MIA3: variants seen among roughly 807,000 people sequenced by gnomAD.
MIA3 encodes transport and Golgi organization protein 1 homolog.
In MIA3, 90 loss-of-function variants were observed where a neutral mutation model predicts 192.4. The observed-to-expected ratio is 0.47, with a 90% CI of 0.39 to 0.56. The LOEUF is 0.56. Ranked by LOEUF, MIA3 falls within the 20% of genes least tolerant of loss-of-function variation. MIA3 has a pLI of 0.00. For synonymous variants in MIA3, 740 were observed against 792.8 expected (o/e 0.93, Z 1.12); for missense variants, 2,123 against 2,269.4 (o/e 0.94, Z 1.31).
Position 222,627,602 on chromosome 1 carries a change from G to C in MIA3, c.382G>C (p.Gly128Arg), listed in dbSNP as rs907263426. 7.6e-6 allele frequency: 12 copies of C among 1,579,550 alleles called. No individual in the cohort carries two copies. Among genetic ancestry groups the C allele is most frequent in the Non-Finnish European group, 1.0e-5 (12 of 1,169,484 alleles). The part of the protein sequence containing the change: ...DETDFVCFDG[G>R]RDDFHNYNVE... ...GACGGATTTTGTTTGTTTTGATGGA[G>C]GAAGAGATGATTTTCATAATTATAA... is the stretch of plus-strand genomic sequence containing the variant. The change falls in exon 4 of 28, where the codon GGA (glycine) becomes CGA (arginine). Residue 128 changes from glycine (G) to arginine (R), a missense_variant. Physicochemically the swap from Gly to Arg is moderately radical, Grantham distance 125. Transcript: ENST00000344922.
chr1:222,664,462 C>T (rs1299937289), intron 27 of MIA3, among the ~76,000 whole-genome samples: 1 of 152,152 alleles, frequency 6.6e-6, no homozygotes, highest in Non-Finnish European at 1.5e-5. Context: ...TAAAATACAT[C>T]CCCTAACTAA....
intron 6 of MIA3, among the ~76,000 whole-genome samples, chr1:222,637,693 T>C (rs1259320959): frequency 1.3e-5 from 2 of 151,416 alleles, no homozygotes; most frequent in Non-Finnish European, 3.0e-5. Context: ...AATTTTTTTT[T>C]TTTTTTTTTT....
At position 222,628,668 on chromosome 1, in the gene MIA3, CAGAATT is replaced by C. The variant is rs2124841622; in HGVS notation, c.1452_1457del (p.Leu485_Glu486del). The C allele has an allele frequency of 6.2e-7, 1 of 1,613,992 alleles. No homozygotes were observed. Among genetic ancestry groups the C allele is most frequent in the East Asian group, 2.2e-5 (1 of 44,880 alleles). On this transcript the variant is annotated inframe_deletion, in exon 4 of 28. Transcript: ENST00000344922. ...AAGAGGGGCCTGGTACAAGATAAGACAGAATTAGAGGATGAAAATCAAGAAGGCATG... is the reference window on the plus strand; with the variant it reads ...AAGAGGGGCCTGGTACAAGATAAGACAGAGGATGAAAATCAAGAAGGCATG...
In MIA3 at chr1:222,620,823, A is replaced by T. The variant is rs1050198991; in HGVS notation, c.134-336A>T. ...TATGAATATGAAACAGAAAAGATTG[A>T]GGACTAGAAGGTTAGAGAGGGAATC... On this transcript the variant is annotated intron_variant, in intron 1 of 27. Coordinates refer to ENST00000344922, the MANE Select transcript of MIA3 (RefSeq NM_198551.4). Among the ~76,000 whole-genome samples the T allele has an allele frequency of 7.2e-5, 11 of 151,880 alleles. No homozygotes were observed. In the East Asian group the frequency reaches 2.1e-3, roughly 29 times the overall value.
intron 3 of MIA3, among the ~76,000 whole-genome samples, chr1:222,626,766 C>G (rs1189474118): frequency 6.6e-6 from 1 of 152,176 alleles, no homozygotes; most frequent in African/African-American, 2.4e-5. Flanking sequence ...ATCTCATGCA[C>G]CTGTATCTCA....
chr1:222,645,437 G>C, intron 6 of MIA3, 117 bp from the exon 7 acceptor site: 1 of 833,544 alleles, frequency 1.2e-6, no homozygotes, highest in Admixed American at 3.1e-5. Flanking sequence ...AGATTTTTGA[G>C]GGGATAGGTA....
At chr1:222,655,556 T>G (rs1322048858) in intron 18 of MIA3, among the ~76,000 whole-genome samples, 1 of 152,244 alleles carries the variant, frequency 6.6e-6, no homozygotes, top group African/African-American at 2.4e-5. Context: ...ATGCTTAGAC[T>G]GCTACTGCTG....
chr1:222,655,970 T>TTC (rs1386664350), intron 18 of MIA3, among the ~76,000 whole-genome samples: 1 of 136,768 alleles, frequency 7.3e-6, no homozygotes, highest in African/African-American at 2.7e-5. Context: ...TCCCTTTTTT[T>TTC]TTTTTTTTTT....
chr1:222,622,039 T>C (rs1661895195), intron 2 of MIA3, among the ~76,000 whole-genome samples: 1 of 152,096 alleles, frequency 6.6e-6, no homozygotes, highest in African/African-American at 2.4e-5. Flanking sequence ...CTCCTGACCT[T>C]GTGATCCACC....
In MIA3 at chr1:222,650,363, T is replaced by C. The variant is rs745456790; in HGVS notation, c.3703T>C (p.Ser1235Pro). The C allele has an allele frequency of 6.3e-7, 1 of 1,576,366 alleles. No homozygotes were observed. The highest frequency in any genetic ancestry group is 8.7e-7 in the Non-Finnish European group (1 of 1,149,916). Residue 1235 changes from serine to proline, a missense_variant, in exon 9 of 28, where the codon TCA becomes CCA. Coordinates refer to ENST00000344922, the MANE Select transcript of MIA3 (RefSeq NM_198551.4). ...KENTELVQKL[S>P]NYEQKIKESK... ...AAATACAGAACTTGTACAAAAATTG[T>C]CAAATTATGAACAGAAGGTATGATT...
intron 1 of MIA3, among the ~76,000 whole-genome samples, chr1:222,619,216 T>C (rs1351401705): frequency 6.6e-6 from 1 of 152,180 alleles, no homozygotes; most frequent in Non-Finnish European, 1.5e-5. Context: ...CTTAGCCGCT[T>C]GCGTGTTGAA....
At chr1:222,645,484 C>A in intron 6 of MIA3, 70 bp from the exon 7 acceptor site, 2 of 1,424,770 alleles carry the variant, frequency 1.4e-6, no homozygotes, top group Non-Finnish European at 9.5e-7. Flanking sequence ...GTGAATGAGT[C>A]TTTGTGACTG....
intron 6 of MIA3, among the ~76,000 whole-genome samples, chr1:222,636,363 C>CAGTTGTTCTTTTTTCCTTT (rs1169628163): frequency 3.7e-4 from 56 of 152,102 alleles, no homozygotes; most frequent in Non-Finnish European, 6.3e-4. Flanking sequence ...GTTTAGCTTA[C>CAGTTGTTCTTTTTTCCTTT]AGTTGTTCTT....
In MIA3 at chr1:222,632,172, A is replaced by G. The variant is rs761149483; in HGVS notation, c.3177A>G (p.Gln1059=). 6.2e-7 allele frequency: 1 copy of G among 1,614,010 alleles called. No homozygotes were observed. Among genetic ancestry groups the G allele is most frequent in the Non-Finnish European group, 8.5e-7 (1 of 1,179,926 alleles). The change falls in exon 5 of 28, where the codon CAA becomes CAG. Residue 1059 remains glutamine (Q), a synonymous_variant. Transcript: ENST00000344922. ...GTATTCTTCTCACCCTAGAGATGCA[A>G]CCACTGCATGAAGATAATTTCTCAC... ...EGLGGAMEEM[Q]PLHEDNFSRE...
At chr1:222,660,152 G>C (rs200185748) in intron 23 of MIA3, 25 bp from the exon 24 acceptor site, 1 of 1,606,394 alleles carries the variant, frequency 6.2e-7, no homozygotes, top group South Asian at 1.1e-5. Flanking sequence ...GTCTTAAAAT[G>C]CTAACAAGAT....
chr1:222,662,813 T>C (rs1046997068), intron 26 of MIA3: 2 of 161,566 alleles, frequency 1.2e-5, no homozygotes, highest in African/African-American at 4.8e-5. Context: ...ATGTCTTCAT[T>C]TGGAAGTGTG....
chr1:222,622,429 C>G (rs924636899), intron 2 of MIA3, among the ~76,000 whole-genome samples: 2 of 152,116 alleles, frequency 1.3e-5, no homozygotes, highest in East Asian at 1.9e-4. Context: ...CCCATCCCGA[C>G]TATGAAAGTT....
chr1:222,665,035 C>CA (rs1664208040), intron 27 of MIA3: 8 of 428,890 alleles, frequency 1.9e-5, no homozygotes, highest in South Asian at 1.3e-4. Flanking sequence ...CCCATCTCTA[C>CA]AAAAAATCCA....
chr1:222,621,809 G>GTT (rs148013914), intron 2 of MIA3, among the ~76,000 whole-genome samples: 14 of 97,220 alleles, frequency 1.4e-4, no homozygotes, highest in Non-Finnish European at 2.5e-4. Context: ...TTTCTTGTTT[G>GTT]TTTGTTTTTT....
Sources: allele counts gnomAD v4.1 joint callset (sites outside exome capture counted in the v4.1 genomes callset), GRCh38; gene constraint gnomAD v4.1.1; transcripts MANE v1.5; gene names NCBI Gene and HGNC (gene_info 2026-07-23, HGNC 2026-07-21).